Variants in EFCAB5 observed in about 807,000 individuals in gnomAD.
EFCAB5 encodes EF-hand calcium-binding domain-containing protein 5.
A neutral mutation model predicts 167.9 loss-of-function variants in EFCAB5; 131 were observed. The ratio of observed to expected loss-of-function variants is 0.78; its 90% CI spans 0.68 to 0.90. The LOEUF (loss-of-function observed/expected upper bound fraction) is 0.90. Ranked by LOEUF, EFCAB5 falls within the 40% of genes least tolerant of loss-of-function variation. The pLI is 0.00. For synonymous variants in EFCAB5, 574 were observed against 602.8 expected, an observed-to-expected ratio of 0.95 and a Z score of 0.70; for missense variants, 1,663 against 1,745.2, an observed-to-expected ratio of 0.95 and a Z score of 0.84.
At chr17:29,938,247 A>T (rs1457799133), upstream of EFCAB5, among the ~76,000 whole-genome samples, 1 of 152,188 alleles carries the variant, frequency 6.6e-6, no homozygotes, top group South Asian at 2.1e-4. Context: ...ACTATAGTCT[A>T]TTAAGTGTGC....
At position 29,986,637 on chromosome 17, in the gene EFCAB5, A is replaced by ATTTTTTTTTTTTTTT. The variant is rs911310972; in HGVS notation, c.768-6513_768-6499dup. Reference sequence around the variant, plus strand: ...ATGCCTCAATTATAGGAGTATATTCATTTTTTTTTTTTTTTTTTTTTTTTT... The same window carrying ATTTTTTTTTTTTTTT: ...ATGCCTCAATTATAGGAGTATATTCATTTTTTTTTTTTTTTTTTTTTTTTTTTTTTTTTTTTTTTT... On this transcript the variant is annotated intron_variant, in intron 4 of 22. Transcript: ENST00000394835. 1.0e-4 allele frequency among the ~76,000 whole-genome samples: 6 copies of ATTTTTTTTTTTTTTT among 58,056 alleles called. 1 individual carries two copies. Among genetic ancestry groups the ATTTTTTTTTTTTTTT allele is most frequent in the African/African-American group, 4.2e-4 (6 of 14,250 alleles). The allele number at this position is 58,056 out of a possible 152,430, so 38.1% of individuals were successfully genotyped here. A position where few individuals can be genotyped will look rare whatever the true frequency, so the allele number is the denominator to read the frequency against.
rs1168065908 is a variant in EFCAB5, at chr17:30,108,142, C to T, written c.*118C>T. ...GGGTACCTATAAATGTCTTCTGCTG[C>T]TAATATTTATCTCAGCACTTTCTAA... On this transcript the variant is annotated 3_prime_UTR_variant, in exon 23 of 23. Transcript: ENST00000394835. 8.5e-7 allele frequency: 1 copy of T among 1,170,718 alleles called. No individual in the cohort carries two copies. Among genetic ancestry groups the T allele is most frequent in the Non-Finnish European group, 1.2e-6 (1 of 857,052 alleles). The allele number at this position is 1,170,718 out of a possible 1,614,324, so 72.5% of individuals were successfully genotyped here.
At chr17:29,987,342 C>T (rs185115873) in intron 4 of EFCAB5, among the ~76,000 whole-genome samples, 2 of 152,102 alleles carry the variant, frequency 1.3e-5, no homozygotes, top group Non-Finnish European at 2.9e-5. Context: ...GTATCTGGAT[C>T]TTAGTAAGGC....
intron 14 of EFCAB5, among the ~76,000 whole-genome samples, chr17:30,061,288 T>C (rs2070418189): frequency 6.6e-6 from 1 of 152,212 alleles, no homozygotes; most frequent in African/African-American, 2.4e-5. Context: ...ATTGCTGAGC[T>C]GATGGCAGTA....
chr17:30,051,527 T>C (rs2151775178), intron 9 of EFCAB5, among the ~76,000 whole-genome samples: 1 of 152,356 alleles, frequency 6.6e-6, no homozygotes, highest in East Asian at 1.9e-4. Flanking sequence ...CTGAATGTTT[T>C]GGAAATTAAG....
chr17:30,090,609 T>C lies in EFCAB5; in HGVS notation c.3872T>C (p.Val1291Ala), dbSNP rs770337519. 1.9e-6 allele frequency: 3 copies of C among 1,613,896 alleles called. No homozygotes were observed. The Admixed American group carries it at 5.0e-5, about 27-fold the overall frequency. Residue 1291 changes from valine to alanine, a missense_variant, in exon 20 of 23, where the codon GTC becomes GCC. Val to Ala is a moderately conservative substitution (Grantham distance 64, BLOSUM62 0). Coordinates refer to ENST00000394835, the MANE Select transcript of EFCAB5 (RefSeq NM_198529.4). ...GATCTACAGAAAATGATGAAAGTGG[T>C]CCAAGTGGCCTGCTATGAAATACTT... is the stretch of plus-strand genomic sequence containing the variant. ...YKDLQKMMKV[V>A]QVACYEILGE...
intron 13 of EFCAB5, chr17:30,059,300 G>GTGT: frequency 3.2e-6 from 1 of 308,596 alleles, no homozygotes; most frequent in Non-Finnish European, 5.8e-6. Context: ...AGGTCTCACT[G>GTGT]TGTTGCTCAG....
At chr17:30,023,960 G>A (rs1322301143) in intron 7 of EFCAB5, among the ~76,000 whole-genome samples, 1 of 152,062 alleles carries the variant, frequency 6.6e-6, no homozygotes, top group African/African-American at 2.4e-5. Flanking sequence ...ATGCAGAAAA[G>A]GCCTTTGACA....
chr17:30,057,990 C>T (rs1395911965), intron 13 of EFCAB5, 100 bp downstream of exon 13: 2 of 1,017,048 alleles, frequency 2.0e-6, no homozygotes, highest in Non-Finnish European at 2.9e-6. Context: ...AAAAAATGTA[C>T]AACCAAACTG....
intron 6 of EFCAB5, among the ~76,000 whole-genome samples, chr17:29,998,789 T>C (rs768947827): frequency 1.1e-4 from 16 of 152,140 alleles, no homozygotes; most frequent in Non-Finnish European, 1.9e-4. Context: ...CTATTAGAAG[T>C]AGGAGAGGAA....
chr17:30,059,658 G>A lies in EFCAB5; in HGVS notation c.2694G>A (p.Leu898=), dbSNP rs1339974559. ...FLDLKEVDEL[L]YTYKEGMEKE... ...ATCTGAAGGAAGTTGATGAACTCTT[G>A]TACACATACAAGGAGGGAATGGAAA... Residue 898 remains leucine, a synonymous_variant, in exon 14 of 23, where the codon TTG becomes TTA. Coordinates refer to ENST00000394835, the MANE Select transcript of EFCAB5 (RefSeq NM_198529.4). 1 of 1,609,310 alleles carries A rather than the reference G, an allele frequency of 6.2e-7. No homozygotes were observed. Among genetic ancestry groups the A allele is most frequent in the Non-Finnish European group, 8.5e-7 (1 of 1,176,872 alleles).
rs1207903271 is a variant in EFCAB5, at chr17:30,021,368, T to TG, written c.1045-12862_1045-12861insG. ...ATGGTATATATTATATGTAAATATA[T>TG]AAATATTTTTACATTTATATAAAAT... On this transcript the variant is annotated intron_variant, in intron 7 of 22. Transcript: ENST00000394835. Among the ~76,000 whole-genome samples, 9 of 147,842 alleles carry TG rather than the reference T, an allele frequency of 6.1e-5. No homozygotes were observed. The South Asian group carries it at 1.9e-3, about 31-fold the overall frequency.
intron 7 of EFCAB5, among the ~76,000 whole-genome samples, chr17:30,018,780 T>C (rs1297748008): frequency 6.6e-6 from 1 of 152,202 alleles, no homozygotes; most frequent in Non-Finnish European, 1.5e-5. Flanking sequence ...ATATTGAATC[T>C]GTGTTCCTAT....
chr17:30,094,867 C>A (rs539328254), intron 22 of EFCAB5, among the ~76,000 whole-genome samples: 1 of 152,272 alleles, frequency 6.6e-6, no homozygotes, highest in South Asian at 2.1e-4. Flanking sequence ...CTGTGGGGGA[C>A]CCTCTGACTC....
chr17:29,989,866 C>T (rs1284744812), intron 4 of EFCAB5, among the ~76,000 whole-genome samples: 8 of 152,144 alleles, frequency 5.3e-5, no homozygotes, highest in East Asian at 1.9e-4. Flanking sequence ...CAATGGCTGC[C>T]ATAAAAAATG....
intron 4 of EFCAB5, among the ~76,000 whole-genome samples, chr17:29,973,390 T>C (rs1011789224): frequency 3.9e-5 from 6 of 152,100 alleles, no homozygotes; most frequent in Admixed American, 1.3e-4. Context: ...AAAAGAAATA[T>C]GTAATTTAAA....
At chr17:30,105,720 A>C (rs1218883473) in intron 22 of EFCAB5, among the ~76,000 whole-genome samples, 1 of 152,198 alleles carries the variant, frequency 6.6e-6, no homozygotes, top group Non-Finnish European at 1.5e-5. Flanking sequence ...GTATTTGAGA[A>C]ACCTAATTCA....
intron 1 of EFCAB5, among the ~76,000 whole-genome samples, chr17:29,932,413 A>G (rs1017736368): frequency 3.4e-5 from 5 of 146,726 alleles, no homozygotes; most frequent in African/African-American, 1.3e-4. Flanking sequence ...GGCCTCCCAA[A>G]GTGCTAGGAT....
At chr17:30,066,694 G>A (rs1489197295) in intron 14 of EFCAB5, among the ~76,000 whole-genome samples, 1 of 151,516 alleles carries the variant, frequency 6.6e-6, no homozygotes, top group African/African-American at 2.4e-5. Context: ...ATACAATTGA[G>A]ACCAAAAAAT....
Sources: gnomAD v4.1 joint callset for allele counts (sites outside exome capture counted in the v4.1 genomes callset) on GRCh38, gnomAD v4.1.1 for gene constraint, MANE v1.5 for transcripts, NCBI Gene and HGNC (gene_info 2026-07-23, HGNC 2026-07-21) for gene names.